GPC5: variants seen among roughly 807,000 people sequenced by gnomAD.
GPC5 encodes the protein glypican 5, also known as glypican-5.
A neutral mutation model predicts 53.9 loss-of-function variants in GPC5; 47 were observed. That is an observed-to-expected ratio of 0.87 (90% CI 0.69 to 1.11). The LOEUF is 1.11. GPC5 is among the 50% of genes most tolerant of loss of function. GPC5 has a pLI of 0.00. For synonymous variants in GPC5, 286 were observed against 263.3 expected (o/e 1.09, Z -0.84); for missense variants, 748 against 713.1 (o/e 1.05, Z -0.56).
At chr13:92,105,486 A>G (rs923137430) in intron 6 of GPC5, among the ~76,000 whole-genome samples, 1 of 152,242 alleles carries the variant, frequency 6.6e-6, no homozygotes, top group Non-Finnish European at 1.5e-5. Context: ...ACTTTTGTTT[A>G]AAATAGGAAA....
In GPC5 at chr13:91,492,822, CTTTG is replaced by C. The variant is rs575895561; in HGVS notation, c.325+43903_325+43906del. Among the ~76,000 whole-genome samples, 14 of 152,260 alleles carry C rather than the reference CTTTG, an allele frequency of 9.2e-5. No homozygotes were observed. In the South Asian group the frequency reaches 2.7e-3, roughly 29 times the overall value. ...TCCTTTCTTCCAATGATCTTGTTCT[CTTTG>C]TTCTGTCAGCCACCCACTCCGTGGA... On this transcript the variant is annotated intron_variant, in intron 2 of 7. Coordinates refer to ENST00000377067, the MANE Select transcript of GPC5 (RefSeq NM_004466.6).
At chr13:92,751,167 C>T (rs1045177897) in intron 7 of GPC5, among the ~76,000 whole-genome samples, 5 of 151,836 alleles carry the variant, frequency 3.3e-5, no homozygotes, top group African/African-American at 1.2e-4. Flanking sequence ...TTTCTACCAA[C>T]TGGGAGCTAA....
intron 2 of GPC5, among the ~76,000 whole-genome samples, chr13:91,483,701 A>G (rs1222412279): frequency 6.6e-6 from 1 of 152,232 alleles, no homozygotes; most frequent in East Asian, 1.9e-4. Context: ...GCAGTGGCAA[A>G]CAATACAGAT....
At chr13:92,012,256 T>G (rs1339016190) in intron 6 of GPC5, among the ~76,000 whole-genome samples, 2 of 152,196 alleles carry the variant, frequency 1.3e-5, no homozygotes, top group Non-Finnish European at 2.9e-5. Flanking sequence ...TTTAATTTTT[T>G]TCATTTTCTT....
At chr13:92,484,316 TGTTTTACA>T (rs1879473276) in intron 7 of GPC5, among the ~76,000 whole-genome samples, 1 of 152,216 alleles carries the variant, frequency 6.6e-6, no homozygotes, top group African/African-American at 2.4e-5. Context: ...TGTCTGAAGC[TGTTTTACA>T]GTTAATTTTT....
chr13:92,534,378 T>G (rs1475743455), intron 7 of GPC5, among the ~76,000 whole-genome samples: 1 of 152,140 alleles, frequency 6.6e-6, no homozygotes, highest in Non-Finnish European at 1.5e-5. Context: ...AGAATATACT[T>G]CTGCACCAAG....
intron 2 of GPC5, among the ~76,000 whole-genome samples, chr13:91,572,162 C>CACATGTATATATACGTGTGTATAT (rs2031924537): frequency 4.0e-5 from 4 of 100,060 alleles, no homozygotes; most frequent in Admixed American, 2.8e-4. Context: ...TGTGTATACA[C>CACATGTATATATACGTGTGTATAT]ACACATATGT....
At chr13:92,558,597 T>C (rs1401174576) in intron 7 of GPC5, among the ~76,000 whole-genome samples, 2 of 151,980 alleles carry the variant, frequency 1.3e-5, no homozygotes, top group South Asian at 2.1e-4. Flanking sequence ...AAATCTCCAA[T>C]GTCTCTGAAA....
intron 6 of GPC5, among the ~76,000 whole-genome samples, chr13:92,091,675 C>T (rs7999558): frequency 0.056 from 8,448 of 150,898 alleles, 782 homozygotes; most frequent in African/African-American, 0.2. Context: ...ATGTCACATA[C>T]GGAGTCATTC....
chr13:92,334,489 C>T (rs574557190), intron 7 of GPC5, among the ~76,000 whole-genome samples: 1 of 152,182 alleles, frequency 6.6e-6, no homozygotes, highest in African/African-American at 2.4e-5. Flanking sequence ...CCTGGCTGCT[C>T]CCAAATCTCA....
intron 7 of GPC5, among the ~76,000 whole-genome samples, chr13:92,315,486 T>G (rs2043173067): frequency 6.6e-6 from 1 of 152,184 alleles, no homozygotes; most frequent in African/African-American, 2.4e-5. Flanking sequence ...AAAGCCCCAA[T>G]CATTTCTGCC....
At chr13:92,397,399 C>A (rs1342225721) in intron 7 of GPC5, among the ~76,000 whole-genome samples, 1 of 152,170 alleles carries the variant, frequency 6.6e-6, no homozygotes, top group African/African-American at 2.4e-5. Flanking sequence ...GGAAGATACG[C>A]CTTTCATCTT....
chr13:92,414,684 G>C (rs1282310782), intron 7 of GPC5, among the ~76,000 whole-genome samples: 1 of 152,146 alleles, frequency 6.6e-6, no homozygotes, highest in African/African-American at 2.4e-5. Flanking sequence ...AACTACCTTA[G>C]ACTGAGCAAC....
intron 7 of GPC5, among the ~76,000 whole-genome samples, chr13:92,381,889 T>TCATATATACCATATATATGA (rs753025655): frequency 8.2e-6 from 1 of 122,178 alleles, no homozygotes; most frequent in Non-Finnish European, 1.7e-5. Flanking sequence ...ATTATATATA[T>TCATATATACCATATATATGA]TATATATAAT....
intron 7 of GPC5, among the ~76,000 whole-genome samples, chr13:92,625,921 T>C (rs941221948): frequency 6.6e-6 from 1 of 152,190 alleles, no homozygotes; most frequent in African/African-American, 2.4e-5. Flanking sequence ...TGTCTCCTTG[T>C]TCATTGTGTC....
At chr13:92,032,857 G>C (rs1450500633) in intron 6 of GPC5, among the ~76,000 whole-genome samples, 36 of 152,104 alleles carry the variant, frequency 2.4e-4, no homozygotes. Flanking sequence ...TCACACTACA[G>C]GCATCAGTTC....
chr13:92,298,914 T>C (rs1290722631), intron 7 of GPC5, among the ~76,000 whole-genome samples: 1 of 152,190 alleles, frequency 6.6e-6, no homozygotes, highest in African/African-American at 2.4e-5. Context: ...AAATCATAAT[T>C]AAGGTGAAAC....
intron 7 of GPC5, among the ~76,000 whole-genome samples, chr13:92,818,086 C>T (rs1877543602): frequency 6.6e-6 from 1 of 150,462 alleles, no homozygotes; most frequent in African/African-American, 2.5e-5. Flanking sequence ...GATCGCGGCT[C>T]ACTGCAGCCT....
chr13:91,689,979 T>C (rs1325386818), intron 2 of GPC5, among the ~76,000 whole-genome samples: 1 of 152,224 alleles, frequency 6.6e-6, no homozygotes, highest in Non-Finnish European at 1.5e-5. Flanking sequence ...TGTGCTAGAC[T>C]TTTATATGAC....
Sources: allele counts gnomAD v4.1 joint callset (sites outside exome capture counted in the v4.1 genomes callset), GRCh38; gene constraint gnomAD v4.1.1; transcripts MANE v1.5; gene names NCBI Gene and HGNC (gene_info 2026-07-23, HGNC 2026-07-21).